SLC4A5: variants seen among roughly 807,000 people sequenced by gnomAD.
The protein encoded by SLC4A5 is electrogenic sodium bicarbonate cotransporter 4.
A neutral mutation model predicts 120.4 loss-of-function variants in SLC4A5; 96 were observed. That is an observed-to-expected ratio of 0.80 (90% CI 0.68 to 0.94). The LOEUF (loss-of-function observed/expected upper bound fraction) is 0.94, where lower values mean the gene tolerates loss of function less well. Ranked by LOEUF, SLC4A5 falls within the 40% of genes least tolerant of loss-of-function variation. SLC4A5 has a pLI of 0.00. For missense variants in SLC4A5, 1,259 were observed against 1,459.5 expected (o/e 0.86, Z 2.24); for synonymous variants, 550 against 571.1 (o/e 0.96, Z 0.53).
chr2:74,303,670 G>A (rs1672544808), intron 7 of SLC4A5, among the ~76,000 whole-genome samples: 1 of 152,102 alleles, frequency 6.6e-6, no homozygotes, highest in Non-Finnish European at 1.5e-5. Flanking sequence ...GAAGGCCTGG[G>A]GGCTTTGTTG....
intron 8 of SLC4A5, among the ~76,000 whole-genome samples, chr2:74,269,337 CT>C (rs1671399923): frequency 1.3e-5 from 2 of 152,082 alleles, no homozygotes; most frequent in Admixed American, 1.3e-4. Context: ...TCCTGAGTAG[CT>C]GGGATTACAG....
chr2:74,336,772 T>C (rs1448679258), intron 3 of SLC4A5, among the ~76,000 whole-genome samples: 1 of 152,226 alleles, frequency 6.6e-6, no homozygotes, highest in Non-Finnish European at 1.5e-5. Flanking sequence ...TTGTATAAGA[T>C]ATTTTTATAT....
In SLC4A5 at chr2:74,282,673, G is replaced by T. The variant is rs184176638; in HGVS notation, c.401+3100C>A. Among the ~76,000 whole-genome samples the T allele has an allele frequency of 2.6e-5, 4 of 152,338 alleles. No homozygotes were observed. The East Asian group carries it at 5.8e-4, about 22-fold the overall frequency. The stretch of plus-strand genomic sequence containing the variant: ...CACTCTGAGAGAATAGAGACAGTGT[G>T]GTTTGCCTTTGGTGATAGTCAGGTC... On this transcript the variant is annotated intron_variant, in intron 8 of 30. Coordinates refer to ENST00000394019, the Ensembl canonical transcript of SLC4A5.
At chr2:74,277,477 A>G (rs1671680474) in intron 8 of SLC4A5, among the ~76,000 whole-genome samples, 1 of 152,118 alleles carries the variant, frequency 6.6e-6, no homozygotes, top group Non-Finnish European at 1.5e-5. Flanking sequence ...TGAACCCAGG[A>G]GGCGTAGGTT....
At chr2:74,305,985 A>G (rs967287489) in intron 6 of SLC4A5, among the ~76,000 whole-genome samples, 9 of 151,818 alleles carry the variant, frequency 5.9e-5, no homozygotes, top group African/African-American at 1.9e-4. Context: ...TGGCCTCCCA[A>G]AGTGCCGGTA....
intron 5 of SLC4A5, among the ~76,000 whole-genome samples, chr2:74,322,588 T>C (rs1426287640): frequency 7.9e-5 from 12 of 152,194 alleles, no homozygotes; most frequent in Non-Finnish European, 1.3e-4. Flanking sequence ...ACGAATATGA[T>C]AAAATGTTAA....
chr2:74,291,120 A>G (rs958486952), intron 7 of SLC4A5, among the ~76,000 whole-genome samples: 1 of 152,106 alleles, frequency 6.6e-6, no homozygotes, highest in East Asian at 1.9e-4. Flanking sequence ...TTCCTCCCCA[A>G]CTTTAAACCC....
At chr2:74,257,957 G>A (rs1481355973) in intron 12 of SLC4A5, among the ~76,000 whole-genome samples, 2 of 152,208 alleles carry the variant, frequency 1.3e-5, no homozygotes, top group Admixed American at 6.5e-5. Flanking sequence ...TGACATGTTT[G>A]GTAAGAAGGC....
chr2:74,266,231 G>A (rs936586586), intron 8 of SLC4A5, among the ~76,000 whole-genome samples: 8 of 152,142 alleles, frequency 5.3e-5, no homozygotes, highest in Non-Finnish European at 1.0e-4. Flanking sequence ...AGGGATCAGT[G>A]GCACAAGAGT....
intron 8 of SLC4A5, among the ~76,000 whole-genome samples, chr2:74,270,464 G>C (rs1356637555): frequency 3.3e-5 from 5 of 152,176 alleles, no homozygotes; most frequent in Admixed American, 6.5e-5. Flanking sequence ...ACGAGGTCAG[G>C]AGATCGAGAC....
chr2:74,268,000 TA>T, intron 8 of SLC4A5, among the ~76,000 whole-genome samples: 1 of 150,848 alleles, frequency 6.6e-6, no homozygotes, highest in African/African-American at 2.4e-5. Context: ...TTTTTTTTTT[TA>T]AAAAAGAGCA....
chr2:74,279,632 C>T lies in SLC4A5; in HGVS notation c.401+6141G>A, dbSNP rs150524687. Among the ~76,000 whole-genome samples the T allele has an allele frequency of 9.8e-3, 1,485 of 152,240 alleles. 13 individuals carry two copies. Among genetic ancestry groups the T allele is most frequent in the Non-Finnish European group, 0.014 (981 of 68,010 alleles). On this transcript the variant is annotated intron_variant, in intron 8 of 30. Transcript: ENST00000394019. ...ATGCTTCTCTACTGAACTCCAGACACGGTGGCCACATGATGACCCCTGGAC... is the reference window on the plus strand; with the variant it reads ...ATGCTTCTCTACTGAACTCCAGACATGGTGGCCACATGATGACCCCTGGAC...
intron 9 of SLC4A5, 73 bp downstream of exon 9, chr2:74,265,031 G>C: frequency 6.6e-7 from 1 of 1,511,422 alleles, no homozygotes. Flanking sequence ...CTTGAGGGCA[G>C]GCATGAGGTC....
intron 12 of SLC4A5, among the ~76,000 whole-genome samples, chr2:74,258,345 C>T (rs764110608): frequency 3.9e-5 from 6 of 152,194 alleles, no homozygotes; most frequent in Admixed American, 6.5e-5. Context: ...CAGATGCTGG[C>T]GCTAGGTGAT....
chr2:74,272,735 C>T (rs952230950), intron 8 of SLC4A5, among the ~76,000 whole-genome samples: 1 of 152,306 alleles, frequency 6.6e-6, no homozygotes, highest in South Asian at 2.1e-4. Context: ...AGAACTGAGG[C>T]CTTTTCTGTG....
exon 31 of SLC4A5, chr2:74,218,292 A>G (rs1427537018): frequency 3.5e-5 from 2 of 56,384 alleles, no homozygotes; most frequent in Non-Finnish European, 8.5e-5. Context: ...TTTTAAATTG[A>G]TATTTGTTTT....
chr2:74,253,734 T>C (rs1262793101), intron 14 of SLC4A5, among the ~76,000 whole-genome samples: 1 of 152,242 alleles, frequency 6.6e-6, no homozygotes, highest in Non-Finnish European at 1.5e-5. Context: ...TTAGAATTAT[T>C]TCTAAAAAGA....
intron 5 of SLC4A5, among the ~76,000 whole-genome samples, chr2:74,322,779 A>G (rs1286013976): frequency 2.6e-5 from 4 of 152,128 alleles, no homozygotes; most frequent in Admixed American, 6.5e-5. Context: ...AATATCTGGG[A>G]AAAAAACTCC....
intron 3 of SLC4A5, among the ~76,000 whole-genome samples, chr2:74,337,412 C>T (rs1352144041): frequency 6.6e-6 from 1 of 151,986 alleles, no homozygotes; most frequent in Non-Finnish European, 1.5e-5. Context: ...TCCACCCCAC[C>T]CCAAACCCAA....
Sources: allele counts gnomAD v4.1 joint callset (sites outside exome capture counted in the v4.1 genomes callset), GRCh38; gene constraint gnomAD v4.1.1; transcripts MANE v1.5; gene names NCBI Gene and HGNC (gene_info 2026-07-23, HGNC 2026-07-21).